Variants in VEPH1 observed in about 807,000 individuals in gnomAD.
The protein encoded by VEPH1 is ventricular zone expressed PH domain containing 1.
In VEPH1, 80 loss-of-function variants were observed where a neutral mutation model predicts 85.2. That is an observed-to-expected ratio of 0.94 (90% CI 0.78 to 1.13). The LOEUF is 1.13. Ranked by LOEUF, VEPH1 falls within the 50% of genes most tolerant of loss-of-function variation. The pLI is 0.00. For missense variants in VEPH1, 955 were observed against 980.5 expected, an observed-to-expected ratio of 0.97 and a Z score of 0.35; for synonymous variants, 297 against 348.0, an observed-to-expected ratio of 0.85 and a Z score of 1.63.
In VEPH1 at chr3:157,381,389, A is replaced by G. The variant is rs758597656; in HGVS notation, c.907-13T>C. ...TCCTGGCTCTCTCCTACCAAAAACAATGAAGAAAATAGGTTTATCTTTTAG... is the reference window on the plus strand; with the variant it reads ...TCCTGGCTCTCTCCTACCAAAAACAGTGAAGAAAATAGGTTTATCTTTTAG... On this transcript the variant is annotated splice_polypyrimidine_tract_variant and intron_variant, in intron 6 of 13. Transcript: ENST00000362010. 1 of 1,613,188 alleles carries G rather than the reference A, an allele frequency of 6.2e-7. No homozygotes were observed. The highest frequency in any genetic ancestry group is 8.5e-7 in the Non-Finnish European group (1 of 1,179,180).
At chr3:157,279,037 A>G (rs1181021831) in intron 12 of VEPH1, among the ~76,000 whole-genome samples, 1 of 152,108 alleles carries the variant, frequency 6.6e-6, no homozygotes, top group Non-Finnish European at 1.5e-5. Context: ...ACAAAATAAA[A>G]TAACTGATTT....
intron 9 of VEPH1, among the ~76,000 whole-genome samples, chr3:157,357,783 C>G (rs1482452688): frequency 6.6e-6 from 1 of 152,144 alleles, no homozygotes; most frequent in African/African-American, 2.4e-5. Flanking sequence ...TAGGCATGAG[C>G]CACTGCATCC....
At chr3:157,462,745 C>G (rs1735998714) in intron 3 of VEPH1, among the ~76,000 whole-genome samples, 1 of 152,180 alleles carries the variant, frequency 6.6e-6, no homozygotes, top group African/African-American at 2.4e-5. Flanking sequence ...ATTTATACTT[C>G]TTCTGGAGAC....
At chr3:157,466,469 T>A (rs1162814654) in intron 3 of VEPH1, among the ~76,000 whole-genome samples, 1 of 152,252 alleles carries the variant, frequency 6.6e-6, no homozygotes, top group Non-Finnish European at 1.5e-5. Context: ...AAGACTGGAT[T>A]AATTTGCTAG....
chr3:157,484,440 T>TA lies in VEPH1; in HGVS notation c.138+10771dup, dbSNP rs536901100. The stretch of plus-strand genomic sequence containing the variant: ...CCTCACCATGCTGAGTAACTGGGAC[T>TA]ACAGGGACATGCCACTGCACTTGCT... On this transcript the variant is annotated intron_variant, in intron 2 of 13. Coordinates refer to ENST00000362010, the MANE Select transcript of VEPH1 (RefSeq NM_001167912.2). 1.2e-3 allele frequency among the ~76,000 whole-genome samples: 186 copies of TA among 152,256 alleles called. 1 individual carries two copies. The highest frequency in any genetic ancestry group is 4.2e-3 in the African/African-American group (173 of 41,560).
intron 11 of VEPH1, among the ~76,000 whole-genome samples, chr3:157,287,332 A>G (rs1271423637): frequency 6.6e-6 from 1 of 151,852 alleles, no homozygotes; most frequent in Non-Finnish European, 1.5e-5. Flanking sequence ...GCAAGATTGC[A>G]CCACTGTACT....
At position 157,381,454 on chromosome 3, in the gene VEPH1, C is replaced by A. The variant is rs572671284; in HGVS notation, c.907-78G>T. The stretch of plus-strand genomic sequence containing the variant: ...GGCATGGTGGTCATGCCTGTAATCC[C>A]AGCACTTTGGGAGGCTGAGGTGGGT... On this transcript the variant is annotated intron_variant, in intron 6 of 13. Transcript: ENST00000362010. 4.7e-6 allele frequency: 7 copies of A among 1,481,098 alleles called. No homozygotes were observed. In the East Asian group the frequency reaches 1.4e-4, roughly 29 times the overall value. 91.7% of individuals were successfully genotyped at this position (1,481,098 alleles called of 1,614,324 possible). A position where few individuals can be genotyped will look rare whatever the true frequency, so the allele number is the denominator to read the frequency against.
intron 2 of VEPH1, among the ~76,000 whole-genome samples, chr3:157,479,663 T>C (rs1468730840): frequency 6.6e-6 from 1 of 152,204 alleles, no homozygotes. Context: ...GCATAGTGGT[T>C]AAGAACATGG....
chr3:157,347,750 C>T (rs1402695575), intron 9 of VEPH1, among the ~76,000 whole-genome samples: 1 of 152,224 alleles, frequency 6.6e-6, no homozygotes, highest in Non-Finnish European at 1.5e-5. Context: ...AGATCCGCAT[C>T]ATCCCCTATT....
intron 2 of VEPH1, among the ~76,000 whole-genome samples, chr3:157,480,110 T>C (rs1024258649): frequency 1.3e-5 from 2 of 150,058 alleles, no homozygotes; most frequent in Non-Finnish European, 3.0e-5. Context: ...TTCTTTCTAA[T>C]AGATATCTTT....
chr3:157,345,425 A>C (rs1178884285), intron 9 of VEPH1, among the ~76,000 whole-genome samples: 1 of 152,266 alleles, frequency 6.6e-6, no homozygotes, highest in Non-Finnish European at 1.5e-5. Flanking sequence ...AGACACATGG[A>C]AAAATGTTCA....
intron 7 of VEPH1, among the ~76,000 whole-genome samples, chr3:157,378,996 C>T (rs1728463516): frequency 1.3e-5 from 2 of 152,184 alleles, no homozygotes; most frequent in Non-Finnish European, 2.9e-5. Context: ...CTGGCTGCTC[C>T]AACCAAATTA....
At chr3:157,289,885 C>A (rs1456659131) in intron 11 of VEPH1, among the ~76,000 whole-genome samples, 1 of 152,130 alleles carries the variant, frequency 6.6e-6, no homozygotes, top group East Asian at 1.9e-4. Context: ...GGCAGACAGA[C>A]CCTAAGGTGA....
chr3:157,347,759 T>C (rs1319194317), intron 9 of VEPH1, among the ~76,000 whole-genome samples: 11 of 152,186 alleles, frequency 7.2e-5, no homozygotes, highest in African/African-American at 2.4e-4. Context: ...TCATCCCCTA[T>C]TGCCACCAAA....
chr3:157,280,104 T>C (rs1034066830), intron 12 of VEPH1, among the ~76,000 whole-genome samples: 1 of 152,002 alleles, frequency 6.6e-6, no homozygotes, highest in East Asian at 1.9e-4. Flanking sequence ...TCATTCTTAG[T>C]GTACTTACAT....
chr3:157,488,617 C>T (rs1283835303), intron 2 of VEPH1, among the ~76,000 whole-genome samples: 4 of 148,564 alleles, frequency 2.7e-5, no homozygotes, highest in South Asian at 2.1e-4. Flanking sequence ...TACTTTCTGT[C>T]TGCACTCACT....
At chr3:157,428,937 G>T (rs556987320) in intron 4 of VEPH1, among the ~76,000 whole-genome samples, 7 of 152,294 alleles carry the variant, frequency 4.6e-5, no homozygotes, top group African/African-American at 1.7e-4. Context: ...GGAAGACACA[G>T]AATCATAATT....
chr3:157,465,833 C>T (rs567880133), intron 3 of VEPH1, among the ~76,000 whole-genome samples: 1 of 152,246 alleles, frequency 6.6e-6, no homozygotes, highest in Admixed American at 6.6e-5. Flanking sequence ...TCTATTACCC[C>T]TGTTACCCTG....
chr3:157,433,377 T>G (rs1733312113), intron 4 of VEPH1, among the ~76,000 whole-genome samples: 1 of 152,150 alleles, frequency 6.6e-6, no homozygotes, highest in Admixed American at 6.5e-5. Flanking sequence ...GGTATTTATG[T>G]TTTTTTCAGT....
Sources: gnomAD v4.1 joint callset for allele counts (sites outside exome capture counted in the v4.1 genomes callset) on GRCh38, gnomAD v4.1.1 for gene constraint, MANE v1.5 for transcripts, NCBI Gene and HGNC (gene_info 2026-07-23, HGNC 2026-07-21) for gene names.